Variants in MAP6 observed in about 807,000 individuals in gnomAD.
MAP6 encodes microtubule associated protein 6, also known as microtubule-associated protein 6.
Under a neutral mutation model 42.4 loss-of-function variants are expected in MAP6, and 26 were observed. The ratio of observed to expected loss-of-function variants is 0.61; its 90% CI spans 0.45 to 0.85. The LOEUF (loss-of-function observed/expected upper bound fraction) is 0.85, where lower values mean the gene tolerates loss of function less well. MAP6 is among the 40% of genes least tolerant of loss of function. MAP6 has a pLI of 0.00. For missense variants in MAP6, 966 were observed against 1,099.0 expected, an observed-to-expected ratio of 0.88 and a Z score of 1.71; for synonymous variants, 418 against 443.8, an observed-to-expected ratio of 0.94 and a Z score of 0.73.
At chr11:75,619,380 TTTTTAAC>T (rs149740886) in intron 1 of MAP6, among the ~76,000 whole-genome samples, 5,469 of 152,268 alleles carry the variant, frequency 0.036, 108 homozygotes, top group Non-Finnish European at 0.041. Flanking sequence ...ATTTATTTAT[TTTTTAAC>T]TTTTAAGTTC....
rs1943991213 is a variant in MAP6, at chr11:75,667,985, T to C, written c.385A>G (p.Lys129Glu). ...CAGCTGGGCTCGGGCCGCTGCACCTTCCAGGCTCGGTAATCCTGCCGCATC... is the reference window on the plus strand; with the variant it reads ...CAGCTGGGCTCGGGCCGCTGCACCTCCCAGGCTCGGTAATCCTGCCGCATC... ...SVMRQDYRAW[K>E]VQRPEPSCRP... is the part of the protein sequence containing the mutation. Residue 129 changes from lysine to glutamate, a missense_variant, in exon 1 of 4, where the codon AAG (lysine) becomes GAG (glutamate). Transcript: ENST00000304771. The surrounding 1 kb of genome is among the most constrained non-coding windows in gnomAD (Gnocchi z 5.6). 2.4e-6 allele frequency: 3 copies of C among 1,266,678 alleles called. No homozygotes were observed. Among genetic ancestry groups the C allele is most frequent in the Non-Finnish European group, 3.0e-6 (3 of 1,003,572 alleles). The allele number at this position is 1,266,678 out of a possible 1,614,324, so 78.5% of individuals were successfully genotyped here.
At position 75,622,320 on chromosome 11, in the gene MAP6, T is replaced by C. The variant is rs369340617; in HGVS notation, c.906-13998A>G. ...AGTGCAGGGGTGTGATCATGGCTCATTGCAGCCTCAAACTCCTGGGCTCAA... is the reference window on the plus strand; with the variant it reads ...AGTGCAGGGGTGTGATCATGGCTCACTGCAGCCTCAAACTCCTGGGCTCAA... On this transcript the variant is annotated intron_variant, in intron 1 of 3. Coordinates refer to ENST00000304771, the MANE Select transcript of MAP6 (RefSeq NM_033063.2). Among the ~76,000 whole-genome samples the C allele has an allele frequency of 1.7e-4, 26 of 152,230 alleles. No homozygotes were observed. In the East Asian group the frequency reaches 4.4e-3, roughly 26 times the overall value.
At position 75,608,146 on chromosome 11, in the gene MAP6, C is replaced by A; in HGVS notation, c.1082G>T (p.Arg361Leu). The A allele has an allele frequency of 6.2e-7, 1 of 1,614,118 alleles. No individual in the cohort carries two copies. Among genetic ancestry groups the A allele is most frequent in the South Asian group, 1.1e-5 (1 of 91,072 alleles). ...CTTGAAGGGTTCGCTGTAGAGGCTGCGTATTCTTCTGCGATCAATGACCTT... is the reference window on the plus strand; with the variant it reads ...CTTGAAGGGTTCGCTGTAGAGGCTGAGTATTCTTCTGCGATCAATGACCTT... ...DNKVIDRRRI[R>L]SLYSEPFKEP... Residue 361 changes from arginine to leucine, a missense_variant, in exon 2 of 4, where the codon CGC becomes CTC. Physicochemically the swap from Arg to Leu is moderately radical, Grantham distance 102 (BLOSUM62 -2). This residue lies in a region of MAP6 where 943 missense variants were observed against 1,049.9 expected (regional missense o/e 0.90). Transcript: ENST00000304771.
chr11:75,591,820 GT>G (rs1472339467), intron 3 of MAP6, among the ~76,000 whole-genome samples: 2 of 152,234 alleles, frequency 1.3e-5, no homozygotes, highest in African/African-American at 4.8e-5. Flanking sequence ...ATAGACCTCA[GT>G]TTCCCCACCT....
chr11:75,647,478 T>G (rs1943580827), intron 1 of MAP6, among the ~76,000 whole-genome samples: 1 of 147,024 alleles, frequency 6.8e-6, no homozygotes, highest in Non-Finnish European at 1.5e-5. Context: ...AAGGAGAAAA[T>G]ATTAGAATTA....
At chr11:75,657,992 C>A (rs963225442) in intron 1 of MAP6, among the ~76,000 whole-genome samples, 2 of 152,184 alleles carry the variant, frequency 1.3e-5, no homozygotes, top group Non-Finnish European at 2.9e-5. Flanking sequence ...ATTTGGACAT[C>A]TTTGCAGGGG....
At chr11:75,629,524 C>G (rs1056261420) in intron 1 of MAP6, among the ~76,000 whole-genome samples, 8 of 152,170 alleles carry the variant, frequency 5.3e-5, no homozygotes, top group African/African-American at 1.7e-4. Flanking sequence ...TTAATTCTGT[C>G]CTCATGCATT....
intron 1 of MAP6, among the ~76,000 whole-genome samples, chr11:75,662,174 T>C (rs61897960): frequency 0.052 from 7,855 of 152,156 alleles, 256 homozygotes; most frequent in East Asian, 0.14. Flanking sequence ...ATAGAGGAGA[T>C]ATCATAAGTT....
intron 1 of MAP6, among the ~76,000 whole-genome samples, chr11:75,643,597 C>A (rs1298983730): frequency 6.6e-6 from 1 of 152,220 alleles, no homozygotes; most frequent in African/African-American, 2.4e-5. Context: ...ACACATCTCA[C>A]AACTCCATCC....
intron 1 of MAP6, among the ~76,000 whole-genome samples, chr11:75,663,572 G>A (rs1014495722): frequency 2.6e-5 from 4 of 152,110 alleles, no homozygotes; most frequent in African/African-American, 9.7e-5. Context: ...ACGTGGTGGG[G>A]GAGACAGACA....
intron 1 of MAP6, among the ~76,000 whole-genome samples, chr11:75,623,255 T>C (rs1379455874): frequency 6.6e-6 from 1 of 152,172 alleles, no homozygotes; most frequent in East Asian, 1.9e-4. Context: ...TGATTCCAAC[T>C]ATATGAAAAT....
At chr11:75,605,425 C>T in intron 3 of MAP6, 1 of 1,004,404 alleles carries the variant, frequency 1.0e-6, no homozygotes, top group Non-Finnish European at 1.2e-6. Context: ...CAAAATCGAC[C>T]AGTGACACAG....
Position 75,587,456 on chromosome 11 carries a change from T to A in MAP6, c.2045A>T (p.Asp682Val). ...ATGCTCTGGGACTACAACATCTTGATCCTTGACTGGCCCTGAGACCACTAA... is the reference window on the plus strand; with the variant it reads ...ATGCTCTGGGACTACAACATCTTGAACCTTGACTGGCCCTGAGACCACTAA... ...QGLVVSGPVK[D>V]QDVVVPEHAK... Residue 682 changes from aspartate (D) to valine (V), a missense_variant, in exon 4 of 4, where the codon GAT becomes GTT. Physicochemically the swap from Asp to Val is radical, Grantham distance 152. This residue lies in a region of MAP6 where 943 missense variants were observed against 1,049.9 expected (regional missense o/e 0.90). Transcript: ENST00000304771. The A allele has an allele frequency of 6.2e-7, 1 of 1,614,144 alleles. No homozygotes were observed. Among genetic ancestry groups the A allele is most frequent in the Non-Finnish European group, 8.5e-7 (1 of 1,180,004 alleles).
chr11:75,642,125 T>C (rs1416500891), intron 1 of MAP6, among the ~76,000 whole-genome samples: 1 of 152,264 alleles, frequency 6.6e-6, no homozygotes, highest in African/African-American at 2.4e-5. Flanking sequence ...TTTGAGGTGA[T>C]GTCCATCTAC....
intron 1 of MAP6, among the ~76,000 whole-genome samples, chr11:75,626,991 C>T (rs1295300342): frequency 2.0e-5 from 3 of 152,140 alleles, no homozygotes; most frequent in Non-Finnish European, 2.9e-5. Flanking sequence ...CTAATTGTGA[C>T]GGGTGGCAGA....
intron 3 of MAP6, among the ~76,000 whole-genome samples, chr11:75,600,075 C>T (rs1228867545): frequency 1.3e-5 from 2 of 152,280 alleles, no homozygotes; most frequent in African/African-American, 2.4e-5. Flanking sequence ...CAATCAACTT[C>T]GTGTATTACT....
At position 75,656,310 on chromosome 11, in the gene MAP6, T is replaced by C. The variant is rs575414347; in HGVS notation, c.905+11155A>G. On this transcript the variant is annotated intron_variant, in intron 1 of 3. Coordinates refer to ENST00000304771, the MANE Select transcript of MAP6 (RefSeq NM_033063.2). Reference sequence around the variant, plus strand: ...TGAGGTTTGGGCACAATTTTCCCACTAAAAGAGGTTACACCAGGCCTAATC... The same window carrying C: ...TGAGGTTTGGGCACAATTTTCCCACCAAAAGAGGTTACACCAGGCCTAATC... Among the ~76,000 whole-genome samples, 6 of 152,304 alleles carry C rather than the reference T, an allele frequency of 3.9e-5. No individual in the cohort carries two copies. In the South Asian group the frequency reaches 8.3e-4, roughly 21 times the overall value.
At position 75,587,425 on chromosome 11, in the gene MAP6, C is replaced by G. The variant is rs780460208; in HGVS notation, c.2076G>C (p.Lys692Asn). The change falls in exon 4 of 4, where the codon AAG becomes AAC. Residue 692 changes from lysine to asparagine, a missense_variant. Transcript: ENST00000304771. ...GTGCCACAACTGCAGAATCGTGAAC[C>G]TTTGCATGCTCTGGGACTACAACAT... ...DQDVVVPEHAKVHDSAVVAPV... is the reference protein window; with the variant it reads ...DQDVVVPEHANVHDSAVVAPV... 5.6e-6 allele frequency: 9 copies of G among 1,614,040 alleles called. No homozygotes were observed. The highest frequency in any genetic ancestry group is 7.6e-6 in the Non-Finnish European group (9 of 1,180,026).
intron 1 of MAP6, among the ~76,000 whole-genome samples, chr11:75,660,788 T>C (rs561842043): frequency 6.6e-6 from 1 of 152,124 alleles, no homozygotes; most frequent in African/African-American, 2.4e-5. Flanking sequence ...AAATCCAAAC[T>C]TCTTAGCCAG....
Sources: gnomAD v4.1 joint callset for allele counts (sites outside exome capture counted in the v4.1 genomes callset) on GRCh38, gnomAD v4.1.1 for gene constraint, gnomAD v4.1.1 regional missense constraint, Gnocchi (gnomAD v3.1) non-coding constraint, MANE v1.5 for transcripts, NCBI Gene and HGNC (gene_info 2026-07-23, HGNC 2026-07-21) for gene names.